Variants in FER observed in about 807,000 individuals in gnomAD.
FER encodes tyrosine-protein kinase Fer.
FER carries 63 observed loss-of-function variants against 111.0 expected under a neutral mutation model. That is an observed-to-expected ratio of 0.57 (90% CI 0.46 to 0.70). The LOEUF is 0.70. FER is among the 30% of genes least tolerant of loss of function. FER has a pLI of 0.00. For missense variants in FER, 914 were observed against 954.0 expected (o/e 0.96, Z 0.55); for synonymous variants, 327 against 313.9 (o/e 1.04, Z -0.44).
At chr5:109,180,209 A>C (rs80161104) in intron 17 of FER, among the ~76,000 whole-genome samples, 19,188 of 151,962 alleles carry the variant, frequency 0.13, 1,259 homozygotes, top group Middle Eastern at 0.18. Flanking sequence ...GAGTTGCCAA[A>C]CTCTCTGGTA....
At chr5:108,956,769 A>T (rs984558787) in intron 12 of FER, among the ~76,000 whole-genome samples, 1 of 151,590 alleles carries the variant, frequency 6.6e-6, no homozygotes, top group African/African-American at 2.4e-5. Flanking sequence ...TTAAGATGAT[A>T]TAGACAGTTT....
chr5:109,062,898 C>T (rs1377601725), intron 16 of FER, among the ~76,000 whole-genome samples: 1 of 152,192 alleles, frequency 6.6e-6, no homozygotes. Context: ...CTTGGCAATC[C>T]TCAAACTCAT....
intron 10 of FER, among the ~76,000 whole-genome samples, chr5:108,935,922 T>C (rs1004667455): frequency 1.3e-5 from 2 of 152,072 alleles, no homozygotes; most frequent in South Asian, 4.1e-4. Flanking sequence ...TATACATTTA[T>C]TGAGCAGACT....
intron 3 of FER, among the ~76,000 whole-genome samples, chr5:108,800,506 A>G (rs547792825): frequency 1.3e-5 from 2 of 152,086 alleles, no homozygotes; most frequent in South Asian, 2.1e-4. Flanking sequence ...ATGCGCCACC[A>G]TAACTGGCTA....
At chr5:108,773,121 G>T (rs1320034070) in intron 2 of FER, among the ~76,000 whole-genome samples, 6 of 152,280 alleles carry the variant, frequency 3.9e-5, no homozygotes, top group African/African-American at 1.4e-4. Flanking sequence ...AATTTGGAAC[G>T]AGTGTAGCTT....
chr5:108,981,058 C>G (rs948711554), intron 13 of FER, among the ~76,000 whole-genome samples: 3 of 152,006 alleles, frequency 2.0e-5, no homozygotes, highest in Non-Finnish European at 4.4e-5. Context: ...TAAGAAATAT[C>G]TACAAATCAC....
rs926409582 is a variant in FER at position 109,113,960 on chromosome 5, G to C, written c.2048+13441G>C. On this transcript the variant is annotated intron_variant, in intron 17 of 19. Coordinates refer to ENST00000281092, the MANE Select transcript of FER (RefSeq NM_005246.4). The stretch of plus-strand genomic sequence containing the variant: ...CAGATGAAACAAGATTAAAAAAATA[G>C]AAAACTATATATAATCAAGGCCTTA... Among the ~76,000 whole-genome samples the C allele has an allele frequency of 2.0e-5, 3 of 152,052 alleles. No individual in the cohort carries two copies. The South Asian group carries it at 6.2e-4, about 31-fold the overall frequency.
At chr5:108,756,534 A>C (rs1751130839) in intron 1 of FER, among the ~76,000 whole-genome samples, 1 of 152,010 alleles carries the variant, frequency 6.6e-6, no homozygotes, top group African/African-American at 2.4e-5. Flanking sequence ...GCTATAGGAG[A>C]GTAATTAAGG....
At chr5:108,844,703 G>C (rs886355554) in intron 5 of FER, among the ~76,000 whole-genome samples, 1 of 151,800 alleles carries the variant, frequency 6.6e-6, no homozygotes, top group African/African-American at 2.4e-5. Context: ...ACTGCCTTCT[G>C]TCACTGTATA....
chr5:108,838,628 A>G (rs1160590411), intron 5 of FER, among the ~76,000 whole-genome samples: 1 of 152,150 alleles, frequency 6.6e-6, no homozygotes, highest in Non-Finnish European at 1.5e-5. Flanking sequence ...TTAAACTGAT[A>G]TTTTAAATTT....
In FER at chr5:109,191,399, A is replaced by G. The variant is rs540103435; in HGVS notation, c.*3824A>G. The G allele has an allele frequency of 2.6e-5, 4 of 152,186 alleles. No individual in the cohort carries two copies. The highest frequency in any genetic ancestry group is 2.6e-4 in the Admixed American group (4 of 15,280). 9.4% of individuals were successfully genotyped at this position (152,186 alleles called of 1,614,324 possible). A position where few individuals can be genotyped will look rare whatever the true frequency, so the allele number is the denominator to read the frequency against. On this transcript the variant is annotated 3_prime_UTR_variant, in exon 20 of 20. Coordinates refer to ENST00000281092, the MANE Select transcript of FER (RefSeq NM_005246.4). ...TGCCTCAGCCCTCTTCTTTTTACGT[A>G]TACTCCATTTATCATTGATATTTTA...
In FER at chr5:109,020,438, A is replaced by G. The variant is rs34040359; in HGVS notation, c.1657-16984A>G. Among the ~76,000 whole-genome samples the G allele has an allele frequency of 7.0e-3, 1,058 of 152,110 alleles. 5 individuals are homozygous for G. Among genetic ancestry groups the G allele is most frequent in the Non-Finnish European group, 0.01 (680 of 67,930 alleles). ...TAAAACTCAACTTAGAACTGAACAA[A>G]TAACATCCTTTTCATTCTTTGTTAT... On this transcript the variant is annotated intron_variant, in intron 13 of 19. Coordinates refer to ENST00000281092, the MANE Select transcript of FER (RefSeq NM_005246.4).
intron 13 of FER, among the ~76,000 whole-genome samples, chr5:109,023,033 T>A (rs182314436): frequency 6.6e-6 from 1 of 152,272 alleles, no homozygotes; most frequent in Non-Finnish European, 1.5e-5. Flanking sequence ...TTTTTTCTTA[T>A]GTGTAAAATG....
intron 16 of FER, among the ~76,000 whole-genome samples, chr5:109,068,144 C>A (rs1383206549): frequency 6.6e-6 from 1 of 152,028 alleles, no homozygotes; most frequent in East Asian, 1.9e-4. Flanking sequence ...GGGAAACATA[C>A]CTGCTCCCAA....
At chr5:108,835,521 C>G (rs1271158773) in intron 4 of FER, among the ~76,000 whole-genome samples, 187 bp from the exon 5 acceptor site, 1 of 152,050 alleles carries the variant, frequency 6.6e-6, no homozygotes, top group Non-Finnish European at 1.5e-5. Flanking sequence ...TTTGTTTTCA[C>G]ATGCTATTGA....
chr5:108,926,621 C>T (rs1283367534), intron 10 of FER, among the ~76,000 whole-genome samples: 8 of 152,128 alleles, frequency 5.3e-5, no homozygotes, highest in East Asian at 1.9e-4. Flanking sequence ...TTAACTAATA[C>T]TGACCTAAGT....
chr5:109,017,169 C>T (rs1767259305), intron 13 of FER, among the ~76,000 whole-genome samples: 1 of 151,868 alleles, frequency 6.6e-6, no homozygotes, highest in Admixed American at 6.6e-5. Flanking sequence ...TGAAATGAGA[C>T]AGTTATTTTA....
chr5:108,924,227 G>A (rs1179394156), intron 10 of FER, among the ~76,000 whole-genome samples: 3 of 151,840 alleles, frequency 2.0e-5, no homozygotes, highest in Non-Finnish European at 4.4e-5. Context: ...AGGCACGGTG[G>A]TGGGCACCTG....
chr5:108,867,670 A>G (rs1402769284), intron 5 of FER, 97 bp from the exon 6 acceptor site: 7 of 1,207,856 alleles, frequency 5.8e-6, no homozygotes, highest in African/African-American at 1.6e-5. Flanking sequence ...AATGCGTGAA[A>G]TAACATAAAA....
Sources: allele counts gnomAD v4.1 joint callset (sites outside exome capture counted in the v4.1 genomes callset), GRCh38; gene constraint gnomAD v4.1.1; transcripts MANE v1.5; gene names NCBI Gene and HGNC (gene_info 2026-07-23, HGNC 2026-07-21).